The following LEMD1 variants were observed in gnomAD, a reference collection of about 807,000 sequenced individuals.
The protein encoded by LEMD1 is LEM domain-containing protein 1.
A neutral mutation model predicts 17.4 loss-of-function variants in LEMD1; 18 were observed. The observed-to-expected ratio is 1.04, with a 90% confidence interval of 0.72 to 1.54. The LOEUF is 1.54. Ranked by LOEUF, LEMD1 falls within the 40% of genes most tolerant of loss-of-function variation. The pLI is 0.00. For synonymous variants in LEMD1, 88 were observed against 77.8 expected (o/e 1.13, Z -0.69); for missense variants, 195 against 210.4 (o/e 0.93, Z 0.45).
chr1:205,385,919 G>A (rs563157772), intron 4 of LEMD1: 1 of 152,558 alleles, frequency 6.6e-6, no homozygotes, highest in South Asian at 2.1e-4. Context: ...GCGTCAGACA[G>A]GGAAAGGACT....
At chr1:205,393,675 TA>T (rs11339751) in intron 4 of LEMD1, among the ~76,000 whole-genome samples, 139,683 of 146,946 alleles carry the variant, frequency 0.95, 66,583 homozygotes, top group South Asian at 1. Context: ...GACTCTGTCT[TA>T]AAAAAAAAAA....
At position 205,398,146 on chromosome 1, in the gene LEMD1, G is replaced by A. The variant is rs76852393; in HGVS notation, c.271-13782C>T. Among the ~76,000 whole-genome samples, 1,278 of 152,234 alleles carry A rather than the reference G, an allele frequency of 8.4e-3. 13 individuals are homozygous for A. Among genetic ancestry groups the A allele is most frequent in the African/African-American group, 0.029 (1,214 of 41,536 alleles). ...GCATTTAGCAGCTCCCTTAGCACAC[G>A]TCAAAGGTAAGAAGAAAGGGCTTAT... On this transcript the variant is annotated intron_variant, in intron 4 of 5. Coordinates refer to ENST00000367153, the MANE Select transcript of LEMD1 (RefSeq NM_001199050.2).
intron 4 of LEMD1, among the ~76,000 whole-genome samples, chr1:205,392,047 GT>G (rs1246147968): frequency 6.6e-6 from 1 of 151,838 alleles, no homozygotes; most frequent in Non-Finnish European, 1.5e-5. Flanking sequence ...GGAGGCGGAG[GT>G]TTAAATGAGC....
At chr1:205,421,549 G>T (rs1020861534) in intron 1 of LEMD1, among the ~76,000 whole-genome samples, 11 of 152,162 alleles carry the variant, frequency 7.2e-5, no homozygotes, top group Non-Finnish European at 1.2e-4. Flanking sequence ...AAAAAGTCAT[G>T]AATTGTTATA....
intron 4 of LEMD1, chr1:205,386,288 C>T (rs1462076592): frequency 2.1e-5 from 3 of 144,916 alleles, no homozygotes; most frequent in African/African-American, 7.8e-5. Context: ...TCCCCTTCCC[C>T]TGTACTCCCT....
intron 1 of LEMD1, chr1:205,437,912 A>C (rs1666234531): frequency 6.6e-6 from 1 of 152,126 alleles, no homozygotes; most frequent in Non-Finnish European, 1.5e-5. Flanking sequence ...TCAGTTAGTT[A>C]ATTATTGCTC....
intron 4 of LEMD1, among the ~76,000 whole-genome samples, chr1:205,409,826 G>C (rs189080136): frequency 2.8e-4 from 42 of 151,870 alleles, no homozygotes; most frequent in African/African-American, 8.9e-4. Context: ...AGGCTGGAGG[G>C]CAATGGCACT....
At chr1:205,425,465 T>C (rs1005430348), upstream of LEMD1, among the ~76,000 whole-genome samples, 4 of 152,126 alleles carry the variant, frequency 2.6e-5, no homozygotes, top group African/African-American at 9.7e-5. Flanking sequence ...TCACCACGGA[T>C]CATCCGCAGA....
upstream of LEMD1, among the ~76,000 whole-genome samples, chr1:205,424,634 T>A (rs1272706922): frequency 6.6e-6 from 1 of 152,144 alleles, no homozygotes; most frequent in South Asian, 2.1e-4. Flanking sequence ...ACCATAAGCA[T>A]CCAAAGGTAC....
At position 205,381,757 on chromosome 1, in the gene LEMD1, TTC is replaced by T. The variant is rs1293392651; in HGVS notation, c.445_446del (p.Glu149ArgfsTer28). 6.2e-7 allele frequency: 1 copy of T among 1,614,240 alleles called. No individual in the cohort carries two copies. On this transcript the variant is annotated frameshift_variant, in exon 6 of 6. Coordinates refer to ENST00000367153, the MANE Select transcript of LEMD1 (RefSeq NM_001199050.2). LOFTEE classifies it low-confidence loss of function (END_TRUNC). Reference sequence around the variant, plus strand: ...GCTTCAAGCCCACTGGGAAACCTTCTTCTCTCCAGCTCTCGATAGTCTGGTCT... The same window carrying T: ...GCTTCAAGCCCACTGGGAAACCTTCTTCTCCAGCTCTCGATAGTCTGGTCT... ...AEDQTIESWR[E>X]EGFPVGLKLA...
chr1:205,396,171 C>A (rs756059744), intron 4 of LEMD1, among the ~76,000 whole-genome samples: 9 of 152,132 alleles, frequency 5.9e-5, no homozygotes, highest in African/African-American at 1.4e-4. Flanking sequence ...CTATGCTCAG[C>A]TGATTGTTTT....
intron 1 of LEMD1, among the ~76,000 whole-genome samples, chr1:205,421,386 C>T (rs1459586782): frequency 6.6e-6 from 1 of 152,126 alleles, no homozygotes; most frequent in Non-Finnish European, 1.5e-5. Flanking sequence ...TACCACATTT[C>T]TATCATGTTT....
At chr1:205,424,744 C>T (rs1175445938), upstream of LEMD1, among the ~76,000 whole-genome samples, 4 of 152,100 alleles carry the variant, frequency 2.6e-5, no homozygotes, top group Admixed American at 6.6e-5. Flanking sequence ...AGAAGTAAGT[C>T]GGGTTGAATA....
intron 1 of LEMD1, among the ~76,000 whole-genome samples, chr1:205,446,901 C>T (rs1453976915): frequency 6.6e-6 from 1 of 152,230 alleles, no homozygotes; most frequent in Non-Finnish European, 1.5e-5. Flanking sequence ...CTTGGGATTT[C>T]TCTTTGCTTC....
intron 1 of LEMD1, among the ~76,000 whole-genome samples, chr1:205,442,477 T>G (rs1666311360): frequency 6.6e-6 from 1 of 152,182 alleles, no homozygotes; most frequent in Non-Finnish European, 1.5e-5. Context: ...ACTTCCTTCG[T>G]GTTTCTCCAG....
intron 4 of LEMD1, 83 bp downstream of exon 4, chr1:205,416,149 C>T: frequency 2.5e-6 from 2 of 814,566 alleles, no homozygotes; most frequent in Non-Finnish European, 3.9e-6. Context: ...ACTTGCTATC[C>T]CCTTTCTTAA....
chr1:205,420,181 G>A (rs979481010), intron 2 of LEMD1, among the ~76,000 whole-genome samples: 1 of 152,136 alleles, frequency 6.6e-6, no homozygotes, highest in East Asian at 1.9e-4. Context: ...AGTGGGGCAT[G>A]GTGGTGTGCA....
At chr1:205,397,213 A>G (rs189507208) in intron 4 of LEMD1, among the ~76,000 whole-genome samples, 46 of 152,252 alleles carry the variant, frequency 3.0e-4, no homozygotes, top group African/African-American at 1.1e-3. Context: ...GAGGGGAGCT[A>G]TTTCATCACT....
chr1:205,408,502 C>CTTTT (rs573634699), intron 4 of LEMD1, among the ~76,000 whole-genome samples: 5 of 136,876 alleles, frequency 3.7e-5, no homozygotes, highest in Admixed American at 7.5e-5. Flanking sequence ...TTCTTTCTTT[C>CTTTT]TTTTTTTTTT....
Sources: allele counts gnomAD v4.1 joint callset (sites outside exome capture counted in the v4.1 genomes callset), GRCh38; gene constraint gnomAD v4.1.1; transcripts MANE v1.5; gene names NCBI Gene and HGNC (gene_info 2026-07-23, HGNC 2026-07-21).